Variants in NGLY1 observed in about 807,000 individuals in gnomAD.
NGLY1 encodes peptide-N(4)-(N-acetyl-beta-glucosaminyl)asparagine amidase.
Under a neutral mutation model 84.6 loss-of-function variants are expected in NGLY1, and 68 were observed. That is an observed-to-expected ratio of 0.80 (90% CI 0.66 to 0.98). The LOEUF is 0.98. Among genes scored for constraint, NGLY1 ranks in the 50% least tolerant of loss-of-function variants. The pLI, the probability that NGLY1 is intolerant of heterozygous loss-of-function variation, is 0.00. For synonymous variants in NGLY1, 280 were observed against 275.2 expected, an observed-to-expected ratio of 1.02 and a Z score of -0.17; for missense variants, 779 against 770.2, an observed-to-expected ratio of 1.01 and a Z score of -0.14.
chr3:25,733,971 G>T lies in NGLY1; in HGVS notation c.1161C>A (p.Val387=), dbSNP rs1705687980. The T allele has an allele frequency of 8.1e-6, 13 of 1,613,096 alleles. No individual in the cohort carries two copies. Among genetic ancestry groups the T allele is most frequent in the Non-Finnish European group, 1.1e-5 (13 of 1,179,464 alleles). ...IAFSKDEVVD[V]TWRYSCKHEE... ...CATGTTTGCAGGAATATCGCCAAGT[G>T]ACATCAACTACCTGAAACAAATAAC... Residue 387 remains valine (V), a synonymous_variant, in exon 8 of 12, where the codon GTC becomes GTA. Coordinates refer to ENST00000280700, the MANE Select transcript of NGLY1 (RefSeq NM_018297.4).
chr3:25,756,502 TACAG>T (rs1337857802), intron 3 of NGLY1, among the ~76,000 whole-genome samples: 1 of 152,202 alleles, frequency 6.6e-6, no homozygotes, highest in African/African-American at 2.4e-5. Context: ...TTGGGTCAGT[TACAG>T]TTTTAGTCTT....
At chr3:25,734,007 T>C (rs987810177) in intron 7 of NGLY1, 25 bp from the exon 8 acceptor site, 6 of 1,607,396 alleles carry the variant, frequency 3.7e-6, no homozygotes, top group South Asian at 1.1e-5. Flanking sequence ...AGAATACAAA[T>C]ACTTAACAAG....
At chr3:25,738,437 T>C (rs1424804501) in intron 5 of NGLY1, among the ~76,000 whole-genome samples, 1 of 152,096 alleles carries the variant, frequency 6.6e-6, no homozygotes, top group Non-Finnish European at 1.5e-5. Flanking sequence ...TGTGTTGAGA[T>C]GGGTTTTGAA....
chr3:25,776,554 G>C (rs550023985), intron 2 of NGLY1, among the ~76,000 whole-genome samples: 1 of 152,168 alleles, frequency 6.6e-6, no homozygotes, highest in East Asian at 1.9e-4. Context: ...AACTCATATA[G>C]CCAACTGCTT....
Position 25,768,561 on chromosome 3 carries a change from CTTTT to C in NGLY1, c.247-4254_247-4251del, listed in dbSNP as rs752193155. Among the ~76,000 whole-genome samples, 468 of 116,296 alleles carry C rather than the reference CTTTT, an allele frequency of 4.0e-3. 2 individuals carry two copies. Among genetic ancestry groups the C allele is most frequent in the African/African-American group, 0.013 (401 of 31,642 alleles). The allele number at this position is 116,296 out of a possible 152,430, so 76.3% of individuals were successfully genotyped here. ...CTGGGCAAAGATTTCATAAGTAAGA[CTTTT>C]TTTTTTTTTTTTTTTTTTAGCGGAG... is the stretch of plus-strand genomic sequence containing the variant. On this transcript the variant is annotated intron_variant, in intron 2 of 11. Coordinates refer to ENST00000280700, the MANE Select transcript of NGLY1 (RefSeq NM_018297.4).
In NGLY1 at chr3:25,778,708, T is replaced by C. The variant is rs781041810; in HGVS notation, c.132-20A>G. The stretch of plus-strand genomic sequence containing the variant: ...GGGTTTCTGACAAAAAACAAAAGTT[T>C]GATTATATATAAAAAAAACCAGGTC... On this transcript the variant is annotated intron_variant, in intron 1 of 11. Coordinates refer to ENST00000280700, the MANE Select transcript of NGLY1 (RefSeq NM_018297.4). 9.6e-6 allele frequency: 14 copies of C among 1,457,180 alleles called. No homozygotes were observed. Among genetic ancestry groups the C allele is most frequent in the Non-Finnish European group, 1.2e-5 (13 of 1,054,670 alleles). The allele number at this position is 1,457,180 out of a possible 1,614,324, so 90.3% of individuals were successfully genotyped here. A position where few individuals can be genotyped will look rare whatever the true frequency, so the allele number is the denominator to read the frequency against.
chr3:25,736,411 T>C (rs1705828298), intron 6 of NGLY1: 4 of 1,536,186 alleles, frequency 2.6e-6, no homozygotes, highest in Non-Finnish European at 3.5e-6. Context: ...CTTAAGAAGG[T>C]AGACATATTA....
intron 9 of NGLY1, chr3:25,729,919 T>G (rs912285847): frequency 1.3e-5 from 2 of 152,178 alleles, no homozygotes; most frequent in Non-Finnish European, 2.9e-5. Context: ...CCAGCTCATT[T>G]TGCCTCACGG....
rs111265420 is a variant in NGLY1 at position 25,749,875 on chromosome 3, G to A, written c.658+1223C>T. On this transcript the variant is annotated intron_variant, in intron 4 of 11. Transcript: ENST00000280700. ...GAGTCACCAACCCCAATGCCAGGCT[G>A]CACAGCGAAGAAAATGAGTAGACAG... 1.1e-5 allele frequency: 10 copies of A among 883,008 alleles called. 1 individual carries two copies. The highest frequency in any genetic ancestry group is 8.3e-5 in the African/African-American group (5 of 60,372). 54.7% of individuals were successfully genotyped at this position (883,008 alleles called of 1,614,324 possible).
Position 25,719,264 on chromosome 3 carries a change from T to C in NGLY1, c.*196A>G, listed in dbSNP as rs1383225767. On this transcript the variant is annotated 3_prime_UTR_variant, in exon 12 of 12. Coordinates refer to ENST00000280700, the MANE Select transcript of NGLY1 (RefSeq NM_018297.4). ...CTTTACTCCAAATTATAGTCACATA[T>C]GGAAGAAAGGTTTTAATTCAATATT... 2 of 431,492 alleles carry C rather than the reference T, an allele frequency of 4.6e-6. No individual in the cohort carries two copies. Among genetic ancestry groups the C allele is most frequent in the Non-Finnish European group, 8.3e-6 (2 of 241,006 alleles). 26.7% of individuals were successfully genotyped at this position (431,492 alleles called of 1,614,324 possible).
chr3:25,768,363 G>A (rs1365214597), intron 2 of NGLY1, among the ~76,000 whole-genome samples: 5 of 151,122 alleles, frequency 3.3e-5, no homozygotes, highest in African/African-American at 7.3e-5. Context: ...CAGAGGCTGC[G>A]GTGAGTAGTG....
chr3:25,740,124 G>A (rs926241718), intron 4 of NGLY1, among the ~76,000 whole-genome samples: 3 of 152,138 alleles, frequency 2.0e-5, no homozygotes, highest in South Asian at 4.1e-4. Context: ...TACAAGGGAG[G>A]TAGAAAAATA....
Position 25,737,387 on chromosome 3 carries a change from G to A in NGLY1, c.950C>T (p.Thr317Ile). The A allele has an allele frequency of 6.2e-7, 1 of 1,613,896 alleles. No homozygotes were observed. The highest frequency in any genetic ancestry group is 8.5e-7 in the Non-Finnish European group (1 of 1,179,958). The change falls in exon 6 of 12, where the codon ACA (threonine) becomes ATA (isoleucine). Residue 317 changes from threonine (T) to isoleucine (I), a missense_variant. Physicochemically the swap from Thr to Ile is moderately conservative, Grantham distance 89. Transcript: ENST00000280700. ...AAACCCTACAGCTCGGCAGCACAGT[G>A]TAAAACAATTGGCCCACTCGCCACA... ...GRCGEWANCFTLCCRAVGFEA... is the reference protein window; with the variant it reads ...GRCGEWANCFILCCRAVGFEA...
chr3:25,773,927 C>A (rs1708022885), intron 2 of NGLY1, among the ~76,000 whole-genome samples: 1 of 152,136 alleles, frequency 6.6e-6, no homozygotes, highest in Admixed American at 6.5e-5. Context: ...GGGCTCTGAA[C>A]TGGTATTAGA....
chr3:25,788,278 C>T (rs761856993), upstream of NGLY1, among the ~76,000 whole-genome samples: 1 of 152,160 alleles, frequency 6.6e-6, no homozygotes, highest in African/African-American at 2.4e-5. Context: ...GGGTGGCAAG[C>T]TCATTTAATA....
rs187902906 is a variant in NGLY1, at chr3:25,749,816, G to A, written c.658+1282C>T. 73 of 1,242,944 alleles carry A rather than the reference G, an allele frequency of 5.9e-5. No homozygotes were observed. In the African/African-American group the frequency reaches 1.0e-3, roughly 17 times the overall value. The allele number at this position is 1,242,944 out of a possible 1,614,324, so 77.0% of individuals were successfully genotyped here. A position where few individuals can be genotyped will look rare whatever the true frequency, so the allele number is the denominator to read the frequency against. ...CAATGTTTCCTCCAAGAACTGCAAA[G>A]CCATCATGGAAAGAGCCACCCAGCT... On this transcript the variant is annotated intron_variant, in intron 4 of 11. Transcript: ENST00000280700.
exon 1 of NGLY1, chr3:25,789,936 A>G (rs1010832013): frequency 5.2e-6 from 8 of 1,539,714 alleles, no homozygotes; most frequent in Non-Finnish European, 7.0e-6. Flanking sequence ...TGCTCACGCA[A>G]ACAGCTACCC....
chr3:25,751,784 G>C (rs1706763703), intron 3 of NGLY1, among the ~76,000 whole-genome samples: 2 of 152,254 alleles, frequency 1.3e-5, no homozygotes, highest in African/African-American at 4.8e-5. Flanking sequence ...AGAATAGGAA[G>C]TGTCCTCAGG....
upstream of NGLY1, among the ~76,000 whole-genome samples, chr3:25,784,844 T>A (rs1047339089): frequency 2.0e-5 from 3 of 152,172 alleles, no homozygotes; most frequent in African/African-American, 7.2e-5. Context: ...GTAACTAAAA[T>A]TTTCAGGGGC....
Sources: allele counts gnomAD v4.1 joint callset (sites outside exome capture counted in the v4.1 genomes callset), GRCh38; gene constraint gnomAD v4.1.1; transcripts MANE v1.5; gene names NCBI Gene and HGNC (gene_info 2026-07-23, HGNC 2026-07-21).